The following RAPGEF6 variants were observed in gnomAD, a reference collection of about 807,000 sequenced individuals.
RAPGEF6 encodes the protein PDZ domain containing guanine nucleotide exchange factor (GEF) 2.
In RAPGEF6, 56 loss-of-function variants were observed where a neutral mutation model predicts 171.4. That is an observed-to-expected ratio of 0.33 (90% CI 0.26 to 0.41). The LOEUF (loss-of-function observed/expected upper bound fraction) is 0.41. Ranked by LOEUF, RAPGEF6 falls within the 10% of genes least tolerant of loss-of-function variation. The probability of loss-of-function intolerance (pLI) is 1.00; values close to 1 mark genes in which losing one functional copy is unlikely to be tolerated. For synonymous variants in RAPGEF6, 692 were observed against 650.1 expected (o/e 1.06, Z -0.98); for missense variants, 1,674 against 1,921.4 (o/e 0.87, Z 2.41).
rs769237557 is a variant in RAPGEF6 at position 131,508,133 on chromosome 5, A to T, written c.880T>A (p.Ser294Thr). ...MTMSVRRELC[S>T]VMIFEVVEQA... is the part of the protein sequence containing the mutation. ...TCTACCACTTCAAAAATCATCACTG[A>T]GCAGAGTTCTCTCCTTACAGACATG... Residue 294 changes from serine (S) to threonine (T), a missense_variant, in exon 9 of 28, where the codon TCA (serine) becomes ACA (threonine). Ser to Thr is a moderately conservative substitution (Grantham distance 58). Around this residue, in one of 3 missense-constraint regions of RAPGEF6, gnomAD observed 1,116 missense variants for 1,321.5 expected, o/e 0.84. Coordinates refer to ENST00000509018, the MANE Select transcript of RAPGEF6 (RefSeq NM_016340.6). 3 of 1,613,598 alleles carry T rather than the reference A, an allele frequency of 1.9e-6. No individual in the cohort carries two copies. The South Asian group carries it at 3.3e-5, about 18-fold the overall frequency.
intron 4 of RAPGEF6, among the ~76,000 whole-genome samples, chr5:131,572,916 C>T (rs1400928969): frequency 6.6e-6 from 1 of 152,190 alleles, no homozygotes; most frequent in African/African-American, 2.4e-5. Context: ...TGTCTTCTTA[C>T]AAAACCTAGA....
intron 15 of RAPGEF6, among the ~76,000 whole-genome samples, chr5:131,483,349 A>AAC (rs1755628816): frequency 1.3e-4 from 1 of 7,984 alleles, no homozygotes; most frequent in African/African-American, 8.0e-4. Context: ...ACTCTGTCTC[A>AAC]AAAAAAAAAA....
intron 4 of RAPGEF6, among the ~76,000 whole-genome samples, chr5:131,582,844 A>C (rs1763044231): frequency 6.6e-6 from 1 of 152,250 alleles, no homozygotes; most frequent in Admixed American, 6.5e-5. Context: ...GCCGGTGAGA[A>C]TATAAAATGA....
chr5:131,511,468 C>A (rs1481724491), intron 7 of RAPGEF6, among the ~76,000 whole-genome samples: 2 of 145,048 alleles, frequency 1.4e-5, no homozygotes, highest in African/African-American at 2.5e-5. Flanking sequence ...TTTTTTACTG[C>A]CAAAAAGATC....
intron 17 of RAPGEF6, among the ~76,000 whole-genome samples, chr5:131,470,220 T>C (rs1754649440): frequency 6.6e-6 from 1 of 152,228 alleles, no homozygotes; most frequent in Non-Finnish European, 1.5e-5. Flanking sequence ...TAAGCACATG[T>C]TGCAGACTGA....
chr5:131,563,550 C>T (rs1321452676), intron 4 of RAPGEF6, among the ~76,000 whole-genome samples: 1 of 152,178 alleles, frequency 6.6e-6, no homozygotes, highest in Non-Finnish European at 1.5e-5. Context: ...ATCACCCAGG[C>T]TGCAGTGCAG....
chr5:131,608,913 G>T (rs913139535), intron 1 of RAPGEF6, among the ~76,000 whole-genome samples: 7 of 151,996 alleles, frequency 4.6e-5, no homozygotes, highest in African/African-American at 1.7e-4. Flanking sequence ...TGGGACTACA[G>T]GCACATGCAC....
At chr5:131,571,881 C>G (rs1282401225) in intron 4 of RAPGEF6, among the ~76,000 whole-genome samples, 1 of 152,090 alleles carries the variant, frequency 6.6e-6, no homozygotes, top group Non-Finnish European at 1.5e-5. Context: ...TGATAATGTA[C>G]CCTTGTGAAT....
intron 4 of RAPGEF6, among the ~76,000 whole-genome samples, chr5:131,592,038 T>C (rs1015701775): frequency 6.6e-6 from 1 of 152,082 alleles, no homozygotes; most frequent in African/African-American, 2.4e-5. Context: ...TGTATTTTAA[T>C]AGAGACGGGG....
At chr5:131,539,209 C>T (rs553469815) in intron 6 of RAPGEF6, among the ~76,000 whole-genome samples, 1 of 152,190 alleles carries the variant, frequency 6.6e-6, no homozygotes, top group African/African-American at 2.4e-5. Context: ...TTAGAAGTAA[C>T]AAAAGTCTGT....
At chr5:131,543,524 T>C (rs1185511576) in intron 6 of RAPGEF6, among the ~76,000 whole-genome samples, 2 of 151,994 alleles carry the variant, frequency 1.3e-5, no homozygotes, top group Non-Finnish European at 1.5e-5. Flanking sequence ...TTCTGAAACA[T>C]GTGAAAGGAA....
At chr5:131,455,779 T>C (rs764329371) in intron 20 of RAPGEF6, 22 bp downstream of exon 20, 1 of 1,584,572 alleles carries the variant, frequency 6.3e-7, no homozygotes, top group Non-Finnish European at 8.7e-7. Flanking sequence ...TGGTAAAACA[T>C]CAATAAATAA....
chr5:131,594,453 G>A (rs976229185), intron 3 of RAPGEF6, among the ~76,000 whole-genome samples: 1 of 152,248 alleles, frequency 6.6e-6, no homozygotes, highest in Non-Finnish European at 1.5e-5. Context: ...TGTAGAGGCA[G>A]AGCCCTCATG....
chr5:131,491,023 C>T lies in RAPGEF6; in HGVS notation c.1732-1369G>A, dbSNP rs145892797. Reference sequence around the variant, plus strand: ...GGAAGATTGAAGGAAGAAGTAAAAGCATGATAAATTTCATTCTCAAGAATG... The same window carrying T: ...GGAAGATTGAAGGAAGAAGTAAAAGTATGATAAATTTCATTCTCAAGAATG... On this transcript the variant is annotated intron_variant, in intron 14 of 27. Coordinates refer to ENST00000509018, the MANE Select transcript of RAPGEF6 (RefSeq NM_016340.6). Among the ~76,000 whole-genome samples the T allele has an allele frequency of 3.9e-3, 587 of 152,212 alleles. 6 individuals are homozygous for T. The highest frequency in any genetic ancestry group is 0.014 in the African/African-American group (577 of 41,514).
intron 16 of RAPGEF6, among the ~76,000 whole-genome samples, chr5:131,476,266 T>TA (rs1430215006): frequency 6.6e-6 from 1 of 152,130 alleles, no homozygotes; most frequent in Non-Finnish European, 1.5e-5. Context: ...GAAACAGAAC[T>TA]ACTGAATCAA....
intron 19 of RAPGEF6, 71 bp from the exon 20 acceptor site, chr5:131,456,083 A>G: frequency 2.8e-6 from 3 of 1,071,344 alleles, no homozygotes; most frequent in South Asian, 1.5e-5. Context: ...CAGCATATAC[A>G]CCATTTTCTC....
At chr5:131,568,588 G>T (rs1302336699) in intron 4 of RAPGEF6, among the ~76,000 whole-genome samples, 1 of 151,968 alleles carries the variant, frequency 6.6e-6, no homozygotes, top group East Asian at 1.9e-4. Flanking sequence ...CAAACCACTG[G>T]TATTACAGGC....
At chr5:131,547,694 G>T (rs1760642887) in intron 6 of RAPGEF6, among the ~76,000 whole-genome samples, 1 of 151,816 alleles carries the variant, frequency 6.6e-6, no homozygotes, top group South Asian at 2.1e-4. Context: ...ATTTTTAGTA[G>T]AGATGGGGGT....
At chr5:131,445,954 T>C (rs1580834611) in intron 22 of RAPGEF6, among the ~76,000 whole-genome samples, 1 of 152,160 alleles carries the variant, frequency 6.6e-6, no homozygotes, top group South Asian at 2.1e-4. Context: ...TGCATTCTCT[T>C]GCTTGTATTT....
Sources: allele counts gnomAD v4.1 joint callset (sites outside exome capture counted in the v4.1 genomes callset), GRCh38; gene constraint gnomAD v4.1.1; regional missense constraint gnomAD v4.1.1; transcripts MANE v1.5; gene names NCBI Gene and HGNC (gene_info 2026-07-23, HGNC 2026-07-21).